The following STAG1 variants were observed in gnomAD, a reference collection of about 807,000 sequenced individuals.
STAG1 encodes the protein cohesin subunit SA-1.
A neutral mutation model predicts 170.9 loss-of-function variants in STAG1; 26 were observed. The observed-to-expected ratio is 0.15, with a 90% CI of 0.11 to 0.21. The LOEUF (loss-of-function observed/expected upper bound fraction) is 0.21. Ranked by LOEUF, STAG1 falls within the 10% of genes least tolerant of loss-of-function variation. STAG1 has a pLI of 1.00. For synonymous variants in STAG1, 514 were observed against 497.7 expected, an observed-to-expected ratio of 1.03 and a Z score of -0.44; for missense variants, 964 against 1,509.5, an observed-to-expected ratio of 0.64 and a Z score of 5.99.
chr3:136,649,170 TTTG>T lies in STAG1; in HGVS notation c.-83-18192_-83-18190del, dbSNP rs562723973. Among the ~76,000 whole-genome samples the T allele has an allele frequency of 7.9e-5, 12 of 152,262 alleles. No individual in the cohort carries two copies. The East Asian group carries it at 1.9e-3, about 24-fold the overall frequency. On this transcript the variant is annotated intron_variant, in intron 1 of 33. Coordinates refer to ENST00000383202, the MANE Select transcript of STAG1 (RefSeq NM_005862.3). ...CTGAAACATTCTATTCACTATTTTG[TTTG>T]TTAATTGAAAGGGTTGTTAATTGAA... is the stretch of plus-strand genomic sequence containing the variant.
chr3:136,692,313 C>CAA (rs71157399), intron 1 of STAG1, among the ~76,000 whole-genome samples: 2,869 of 46,156 alleles, frequency 0.062, 442 homozygotes, highest in African/African-American at 0.095. Flanking sequence ...GACTCCATCT[C>CAA]AAAAAAAAAA....
At chr3:136,737,299 T>C (rs1019809505) in intron 1 of STAG1, 3 of 436,990 alleles carry the variant, frequency 6.9e-6, no homozygotes, top group African/African-American at 2.0e-5. Context: ...AGATGGGGTT[T>C]CACTATGTTG....
At chr3:136,396,712 G>A (rs185931403) in intron 22 of STAG1, among the ~76,000 whole-genome samples, 2,035 of 147,366 alleles carry the variant, frequency 0.014, 31 homozygotes, top group Non-Finnish European at 0.022. Context: ...ATTTTTAGTA[G>A]AGACAGGGTT....
intron 5 of STAG1, among the ~76,000 whole-genome samples, chr3:136,562,628 C>A (rs1936892091): frequency 6.6e-6 from 1 of 152,072 alleles, no homozygotes; most frequent in Non-Finnish European, 1.5e-5. Flanking sequence ...GCTCCTGTTG[C>A]CCAGGCAGGA....
At chr3:136,436,576 C>T (rs914575503) in intron 15 of STAG1, among the ~76,000 whole-genome samples, 11 of 151,956 alleles carry the variant, frequency 7.2e-5, no homozygotes, top group African/African-American at 2.7e-4. Context: ...CCCCTGTGCC[C>T]AGCCTTAAAC....
chr3:136,749,925 G>A (rs192606592), intron 1 of STAG1, among the ~76,000 whole-genome samples: 3 of 140,288 alleles, frequency 2.1e-5, no homozygotes, highest in East Asian at 3.9e-4. Flanking sequence ...AAAAAAGAAA[G>A]AAACTAATAT....
chr3:136,404,718 T>C (rs941795102), intron 21 of STAG1, among the ~76,000 whole-genome samples: 9 of 152,208 alleles, frequency 5.9e-5, no homozygotes, highest in Admixed American at 5.2e-4. Context: ...TTGTGGCTAA[T>C]GACAGATATC....
At chr3:136,664,014 T>C (rs1037711295) in intron 1 of STAG1, among the ~76,000 whole-genome samples, 2 of 152,158 alleles carry the variant, frequency 1.3e-5, no homozygotes, top group African/African-American at 4.8e-5. Context: ...ATGTAAAATT[T>C]GCATTCCAAA....
intron 1 of STAG1, among the ~76,000 whole-genome samples, chr3:136,681,651 T>C (rs528215717): frequency 6.6e-6 from 1 of 152,254 alleles, no homozygotes; most frequent in East Asian, 1.9e-4. Context: ...AACAAAACAC[T>C]AGCAAACTGA....
At position 136,696,812 on chromosome 3, in the gene STAG1, T is replaced by A. The variant is rs146785952; in HGVS notation, c.-84+55383A>T. Among the ~76,000 whole-genome samples the A allele has an allele frequency of 3.9e-4, 59 of 152,260 alleles. No homozygotes were observed. In the East Asian group the frequency reaches 0.011, roughly 28 times the overall value. ...TCAAATGATTCCGTATGTATGACAT[T>A]CTGAGAAAAGCAGAACCACGAATAA... On this transcript the variant is annotated intron_variant, in intron 1 of 33. Coordinates refer to ENST00000383202, the MANE Select transcript of STAG1 (RefSeq NM_005862.3).
chr3:136,684,763 G>A (rs1942453671), intron 1 of STAG1, among the ~76,000 whole-genome samples: 1 of 129,612 alleles, frequency 7.7e-6, no homozygotes, highest in Non-Finnish European at 1.6e-5. Flanking sequence ...GCAACAGAGT[G>A]AGACCCTGTC....
intron 22 of STAG1, among the ~76,000 whole-genome samples, chr3:136,392,981 A>T (rs1030760817): frequency 1.3e-5 from 2 of 152,118 alleles, no homozygotes; most frequent in African/African-American, 4.8e-5. Context: ...TAATAAAAAT[A>T]TGTGACCTCT....
intron 1 of STAG1, among the ~76,000 whole-genome samples, chr3:136,751,172 G>GTTTTTTTTT (rs776717703): frequency 3.7e-5 from 5 of 136,158 alleles, no homozygotes; most frequent in Non-Finnish European, 4.7e-5. Flanking sequence ...GACAAATTGC[G>GTTTTTTTTT]TTTTTTTTTT....
chr3:136,514,939 A>G (rs1934274219), intron 7 of STAG1, among the ~76,000 whole-genome samples: 1 of 152,180 alleles, frequency 6.6e-6, no homozygotes, highest in Non-Finnish European at 1.5e-5. Flanking sequence ...GAGGGATAGC[A>G]TTAGGAGAAA....
At chr3:136,598,957 T>C (rs932801204) in intron 4 of STAG1, among the ~76,000 whole-genome samples, 3 of 152,186 alleles carry the variant, frequency 2.0e-5, no homozygotes, top group African/African-American at 7.2e-5. Flanking sequence ...GAACAAACTT[T>C]GGATCAAAGG....
intron 1 of STAG1, among the ~76,000 whole-genome samples, chr3:136,681,503 G>C (rs980970070): frequency 3.9e-5 from 6 of 152,104 alleles, no homozygotes; most frequent in African/African-American, 1.4e-4. Flanking sequence ...TACAAGGCAT[G>C]AGGTTATAAA....
At chr3:136,659,448 C>T (rs183705164) in intron 1 of STAG1, among the ~76,000 whole-genome samples, 2 of 152,274 alleles carry the variant, frequency 1.3e-5, no homozygotes, top group Admixed American at 6.5e-5. Context: ...GTAAGCTGAG[C>T]TGCAAGTGAC....
chr3:136,417,016 T>A (rs2087795426), intron 21 of STAG1, among the ~76,000 whole-genome samples: 2 of 151,974 alleles, frequency 1.3e-5, no homozygotes, highest in Non-Finnish European at 2.9e-5. Flanking sequence ...CTGGCTAATT[T>A]TTTTATTTTT....
chr3:136,581,996 A>G (rs1368349462), intron 4 of STAG1, among the ~76,000 whole-genome samples: 3 of 152,186 alleles, frequency 2.0e-5, no homozygotes, highest in Admixed American at 2.0e-4. Context: ...TTCTAACAAG[A>G]GTATATATGA....
Sources: allele counts gnomAD v4.1 joint callset (sites outside exome capture counted in the v4.1 genomes callset), GRCh38; gene constraint gnomAD v4.1.1; transcripts MANE v1.5; gene names NCBI Gene and HGNC (gene_info 2026-07-23, HGNC 2026-07-21).